EPB41L1: variants seen among roughly 807,000 people sequenced by gnomAD.
The protein encoded by EPB41L1 is band 4.1-like protein 1.
Under a neutral mutation model 97.8 loss-of-function variants are expected in EPB41L1, and 29 were observed. The ratio of observed to expected loss-of-function variants is 0.30; its 90% CI spans 0.22 to 0.40. EPB41L1 has a LOEUF of 0.40. Ranked by LOEUF, EPB41L1 falls within the 10% of genes least tolerant of loss-of-function variation. The probability of loss-of-function intolerance (pLI) is 1.00; values close to 1 mark genes in which losing one functional copy is unlikely to be tolerated. For synonymous variants in EPB41L1, 383 were observed against 459.2 expected (o/e 0.83, Z 2.12); for missense variants, 812 against 1,162.3 (o/e 0.70, Z 4.38).
chr20:36,229,302 C>G (rs1394770109), intron 21 of EPB41L1, 30 bp from the exon 22 acceptor site: 9 of 1,600,986 alleles, frequency 5.6e-6, no homozygotes, highest in African/African-American at 1.3e-5. Context: ...CTCCCCACCC[C>G]CCATTCTACC....
Position 36,195,261 on chromosome 20 carries a change from G to A in EPB41L1, c.1450-68G>A, listed in dbSNP as rs558936046. On this transcript the variant is annotated intron_variant, in intron 12 of 21. Coordinates refer to ENST00000338074, the MANE Select transcript of EPB41L1 (RefSeq NM_012156.2). The surrounding 1 kb of genome is among the most constrained non-coding windows in gnomAD (Gnocchi z 4.6). Reference sequence around the variant, plus strand: ...GGCTCCTTGCTGGACCAAGCCCATCGTGGTATCTCTAATCCATCTGCTCTA... The same window carrying A: ...GGCTCCTTGCTGGACCAAGCCCATCATGGTATCTCTAATCCATCTGCTCTA... 284 of 1,596,416 alleles carry A rather than the reference G, an allele frequency of 1.8e-4. No homozygotes were observed. The highest frequency in any genetic ancestry group is 1.8e-3 in the South Asian group (159 of 90,598).
Position 36,190,434 on chromosome 20 carries a change from A to C in EPB41L1, c.1124+60A>C. On this transcript the variant is annotated intron_variant, in intron 10 of 21. Transcript: ENST00000338074. The surrounding 1 kb of genome is among the most constrained non-coding windows in gnomAD (Gnocchi z 5.8). ...GGCAGAGGCCATGTGTATGGAGGGG[A>C]GCAGGGGGAGGAGTTAGTGAGAACT... is the stretch of plus-strand genomic sequence containing the variant. 6.3e-7 allele frequency: 1 copy of C among 1,576,560 alleles called. No individual in the cohort carries two copies. Among genetic ancestry groups the C allele is most frequent in the Non-Finnish European group, 8.7e-7 (1 of 1,151,378 alleles).
At chr20:36,146,364 A>G (rs2059831637) in intron 2 of EPB41L1, among the ~76,000 whole-genome samples, 1 of 152,184 alleles carries the variant, frequency 6.6e-6, no homozygotes, top group South Asian at 2.1e-4. Context: ...CTTCTACGAG[A>G]GTCTGATTCA....
chr20:36,127,002 A>G (rs2058995783), intron 2 of EPB41L1, among the ~76,000 whole-genome samples: 2 of 152,200 alleles, frequency 1.3e-5, no homozygotes, highest in Non-Finnish European at 2.9e-5. Flanking sequence ...TGAACTGATG[A>G]ACATCAGCAC....
chr20:36,153,187 G>A (rs115748275), upstream of EPB41L1: 1,660 of 428,994 alleles, frequency 3.9e-3, 19 homozygotes, highest in African/African-American at 0.031. Flanking sequence ...GCTGAGGAGA[G>A]GGCATAGCCT....
intron 4 of EPB41L1, among the ~76,000 whole-genome samples, 154 bp from the exon 5 acceptor site, chr20:36,178,476 C>T (rs1334732279): frequency 6.6e-6 from 1 of 152,172 alleles, no homozygotes; most frequent in Non-Finnish European, 1.5e-5. Flanking sequence ...CCCTCACCCC[C>T]TAGTCCCAAG....
intron 1 of EPB41L1, among the ~76,000 whole-genome samples, chr20:36,156,166 G>C (rs1028821797): frequency 1.3e-5 from 2 of 152,236 alleles, no homozygotes; most frequent in Admixed American, 1.3e-4. Flanking sequence ...CTCTGTGCAA[G>C]GATGGAGCTG....
At chr20:36,187,577 C>A in intron 7 of EPB41L1, 99 bp from the exon 8 acceptor site, 2 of 974,986 alleles carry the variant, frequency 2.1e-6, no homozygotes, top group Non-Finnish European at 3.2e-6. Context: ...GCATATTTGA[C>A]TTTCTAGAAT....
Position 36,230,771 on chromosome 20 carries a change from TC to T in EPB41L1, c.*1432del, listed in dbSNP as rs201327476. 6.6e-6 allele frequency: 1 copy of T among 150,526 alleles called. No individual in the cohort carries two copies. Among genetic ancestry groups the T allele is most frequent in the Non-Finnish European group, 1.5e-5 (1 of 67,912 alleles). The allele number at this position is 150,526 out of a possible 1,614,324, so 9.3% of individuals were successfully genotyped here. ...GTTTTCAGTCTTCTCTCTCTTTCTCTCTTTTTTTTTTTTTTGCCACATTCTG... is the reference window on the plus strand; with the variant it reads ...GTTTTCAGTCTTCTCTCTCTTTCTCTTTTTTTTTTTTTTTGCCACATTCTG... On this transcript the variant is annotated 3_prime_UTR_variant, in exon 22 of 22. Coordinates refer to ENST00000338074, the MANE Select transcript of EPB41L1 (RefSeq NM_012156.2).
intron 1 of EPB41L1, among the ~76,000 whole-genome samples, chr20:36,095,770 G>T (rs191781304): frequency 6.6e-6 from 1 of 152,202 alleles, no homozygotes; most frequent in Admixed American, 6.5e-5. Flanking sequence ...TTGGCAGGGC[G>T]TGGTGGCTCA....
chr20:36,123,199 C>T (rs778927717), intron 2 of EPB41L1, among the ~76,000 whole-genome samples: 2 of 151,956 alleles, frequency 1.3e-5, no homozygotes, highest in Non-Finnish European at 2.9e-5. Context: ...AGGTAGAGAA[C>T]AAGAATACAG....
chr20:36,203,988 A>G (rs2062650373), intron 14 of EPB41L1, among the ~76,000 whole-genome samples: 1 of 152,148 alleles, frequency 6.6e-6, no homozygotes, highest in African/African-American at 2.4e-5. Context: ...AAGGAGCCCA[A>G]GGTCATATAA....
At chr20:36,111,012 C>T (rs2058383344) in intron 1 of EPB41L1, among the ~76,000 whole-genome samples, 1 of 152,194 alleles carries the variant, frequency 6.6e-6, no homozygotes, top group African/African-American at 2.4e-5. Flanking sequence ...CCTTCTAGGT[C>T]TCAGTTTCCC....
intron 13 of EPB41L1, among the ~76,000 whole-genome samples, chr20:36,196,725 G>C (rs1301318198): frequency 6.6e-6 from 1 of 152,202 alleles, no homozygotes; most frequent in African/African-American, 2.4e-5. Flanking sequence ...ACTTTAATAA[G>C]CTGAGATTGT....
In EPB41L1 at chr20:36,157,943, A is replaced by G. The variant is rs1350154966; in HGVS notation, c.-15+3047A>G. On this transcript the variant is annotated intron_variant, in intron 1 of 21. Transcript: ENST00000338074. ...TCCTTTGTGGGCTAGAGGCTTGTGG[A>G]TCAGAATAGTAACAGCTAACATTTA... Among the ~76,000 whole-genome samples the G allele has an allele frequency of 2.0e-5, 3 of 152,158 alleles. No individual in the cohort carries two copies. In the East Asian group the frequency reaches 5.8e-4, roughly 29 times the overall value.
chr20:36,190,615 G>A lies in EPB41L1; in HGVS notation c.1125-7G>A, dbSNP rs1366788410. 9 of 1,613,830 alleles carry A rather than the reference G, an allele frequency of 5.6e-6. No individual in the cohort carries two copies. The highest frequency in any genetic ancestry group is 6.8e-6 in the Non-Finnish European group (8 of 1,180,022). ...TCCTCCTCCTCCCCTGCATCCCTCT[G>A]CTGCAGGCTGGTGTCCCCTGAGCCC... On this transcript the variant is annotated splice_polypyrimidine_tract_variant and splice_region_variant and intron_variant, in intron 10 of 21. Transcript: ENST00000338074. This position sits in a 1 kb window ranked among gnomAD's most constrained non-coding sequence, Gnocchi z 5.8.
In EPB41L1 at chr20:36,230,925, C is replaced by G. The variant is rs1295786223; in HGVS notation, c.*1585C>G. Reference sequence around the variant, plus strand: ...TCCCAGCTAAGCCTTTTCCTCTACTCTCTTCCTTGTTCTGAATCATTTCTT... The same window carrying G: ...TCCCAGCTAAGCCTTTTCCTCTACTGTCTTCCTTGTTCTGAATCATTTCTT... On this transcript the variant is annotated 3_prime_UTR_variant, in exon 22 of 22. Coordinates refer to ENST00000338074, the MANE Select transcript of EPB41L1 (RefSeq NM_012156.2). The G allele has an allele frequency of 6.6e-6, 1 of 152,252 alleles. No individual in the cohort carries two copies. The highest frequency in any genetic ancestry group is 1.5e-5 in the Non-Finnish European group (1 of 68,086). 9.4% of individuals were successfully genotyped at this position (152,252 alleles called of 1,614,324 possible). A position where few individuals can be genotyped will look rare whatever the true frequency, so the allele number is the denominator to read the frequency against.
At chr20:36,146,949 C>T (rs2059861194) in intron 2 of EPB41L1, among the ~76,000 whole-genome samples, 2 of 151,746 alleles carry the variant, frequency 1.3e-5, no homozygotes, top group South Asian at 4.2e-4. Context: ...GAGTTTGAGA[C>T]CAGCCTAGGC....
intron 14 of EPB41L1, among the ~76,000 whole-genome samples, chr20:36,204,651 T>TTGATGCACGATGATGCTTAGATCTTTACC (rs2062700594): frequency 9.0e-6 from 1 of 111,440 alleles, no homozygotes; most frequent in African/African-American, 3.5e-5. Flanking sequence ...CGCCTGGCCT[T>TTGATGCACGATGATGCTTAGATCTTTACC]TCTTTTTTTT....
Sources: gnomAD v4.1 joint callset for allele counts (sites outside exome capture counted in the v4.1 genomes callset) on GRCh38, gnomAD v4.1.1 for gene constraint, Gnocchi (gnomAD v3.1) non-coding constraint, MANE v1.5 for transcripts, NCBI Gene and HGNC (gene_info 2026-07-23, HGNC 2026-07-21) for gene names.